NCOR2: variants seen among roughly 807,000 people sequenced by gnomAD.
The protein encoded by NCOR2 is nuclear receptor corepressor 2.
A neutral mutation model predicts 262.9 loss-of-function variants in NCOR2; 81 were observed. That is an observed-to-expected ratio of 0.31 (90% confidence interval 0.26 to 0.37). The LOEUF is 0.37. NCOR2 is among the 10% of genes least tolerant of loss of function. The pLI is 1.00. For missense variants in NCOR2, 3,385 were observed against 3,621.4 expected (o/e 0.93, Z 1.68); for synonymous variants, 1,659 against 1,559.3 (o/e 1.06, Z -1.51).
At chr12:124,356,575 G>A (rs1385281417) in intron 23 of NCOR2, 67 bp downstream of exon 25, 2 of 1,305,970 alleles carry the variant, frequency 1.5e-6, no homozygotes, top group Non-Finnish European at 2.0e-6. Flanking sequence ...CTCTGAGCCA[G>A]TGCAAACAGT....
chr12:124,425,012 C>A (rs748127877), intron 11 of NCOR2, among the ~76,000 whole-genome samples: 1 of 152,244 alleles, frequency 6.6e-6, no homozygotes, highest in Non-Finnish European at 1.5e-5. Context: ...GTCCAACCCA[C>A]AGGCCACATG....
At position 124,523,014 on chromosome 12, in the gene NCOR2, C is replaced by T. The variant is rs2050270919; in HGVS notation, c.-118+12551G>A. Among the ~76,000 whole-genome samples, 2 of 152,236 alleles carry T rather than the reference C, an allele frequency of 1.3e-5. No individual in the cohort carries two copies. Among genetic ancestry groups the T allele is most frequent in the South Asian group, 2.1e-4 (1 of 4,832 alleles). On this transcript the variant is annotated intron_variant, in intron 1 of 46. Transcript: ENST00000404621. The surrounding 1 kb of genome is among the most constrained non-coding windows in gnomAD (Gnocchi z 4.0). ...GGGGAGGCCAGACACAGGCCATCAC[C>T]TCTGCCCCTAAATAAAGACACTCCC...
intron 11 of NCOR2, among the ~76,000 whole-genome samples, chr12:124,426,337 G>A (rs975982929): frequency 6.6e-6 from 1 of 152,226 alleles, no homozygotes; most frequent in Non-Finnish European, 1.5e-5. Flanking sequence ...GTCGAAGGCA[G>A]AGCATGGAAG....
Position 124,340,021 on chromosome 12 carries a change from G to A in NCOR2, c.5672C>T (p.Thr1891Met), listed in dbSNP as rs372374587. The A allele has an allele frequency of 3.2e-5, 52 of 1,612,074 alleles. No individual in the cohort carries two copies. The highest frequency in any genetic ancestry group is 2.3e-4 in the African/African-American group (17 of 74,818). Residue 1891 changes from threonine to methionine, a missense_variant, in exon 37 of 47, where the codon ACG becomes ATG. Around this residue, in one of 5 missense-constraint regions of NCOR2, gnomAD observed 1,017 missense variants for 967.2 expected, o/e 1.05. Transcript: ENST00000405201. The stretch of plus-strand genomic sequence containing the variant: ...CCTGGCCCACCTCAGGACCGTGGGC[G>A]TGCTGGGCTCCACAGCGGTGATGAT...
At chr12:124,393,922 C>T (rs1475344521) in intron 16 of NCOR2, among the ~76,000 whole-genome samples, 6 of 152,262 alleles carry the variant, frequency 3.9e-5, no homozygotes, top group Non-Finnish European at 7.3e-5. Context: ...CTCTGGGTGT[C>T]GGCCCCTTCC....
At chr12:124,335,714 C>T in intron 38 of NCOR2, 82 bp from the exon 41 acceptor site, 1 of 1,485,782 alleles carries the variant, frequency 6.7e-7, no homozygotes, top group Non-Finnish European at 9.0e-7. Context: ...TCCCAGCTGG[C>T]TGGGACCCCG....
chr12:124,422,869 T>C lies in NCOR2; in HGVS notation c.1329-314A>G, dbSNP rs892834237. Among the ~76,000 whole-genome samples, 5 of 151,726 alleles carry C rather than the reference T, an allele frequency of 3.3e-5. No homozygotes were observed. In the South Asian group the frequency reaches 1.0e-3, roughly 32 times the overall value. ...ACGACATGCAGCTCTTTGGTGGGGT[T>C]CCCCCCCCTTTAAAATCCACTTTTG... is the stretch of plus-strand genomic sequence containing the variant. On this transcript the variant is annotated intron_variant, in intron 11 of 46. Transcript: ENST00000405201.
At chr12:124,370,965 T>C (rs1283590273) in intron 20 of NCOR2, among the ~76,000 whole-genome samples, 3 of 152,108 alleles carry the variant, frequency 2.0e-5, no homozygotes, top group Non-Finnish European at 4.4e-5. Flanking sequence ...CAAAAACATG[T>C]TGAACCTGTG....
At chr12:124,367,697 A>G (rs558512900) in intron 20 of NCOR2, among the ~76,000 whole-genome samples, 32 of 152,264 alleles carry the variant, frequency 2.1e-4, no homozygotes, top group African/African-American at 7.5e-4. Flanking sequence ...CAGTGGCACA[A>G]TCTTGGCTCA....
chr12:124,410,443 G>A (rs2042511153), intron 13 of NCOR2, among the ~76,000 whole-genome samples: 1 of 151,594 alleles, frequency 6.6e-6, no homozygotes, highest in Admixed American at 6.6e-5. Flanking sequence ...ACAAAGCTGG[G>A]CAGGAAACCA....
chr12:124,457,441 G>A lies in NCOR2; in HGVS notation c.706-279C>T, dbSNP rs764719155. Among the ~76,000 whole-genome samples the A allele has an allele frequency of 1.3e-5, 2 of 152,152 alleles. No individual in the cohort carries two copies. On this transcript the variant is annotated intron_variant, in intron 5 of 46. Coordinates refer to ENST00000405201, the Ensembl canonical transcript of NCOR2. The surrounding 1 kb of genome is among the most constrained non-coding windows in gnomAD (Gnocchi z 4.0). Reference sequence around the variant, plus strand: ...CTGAAGCCTGCTCCCCGGCAGGCGCGCAGGCCTCGCTCCCCCAGGGCCCAG... The same window carrying A: ...CTGAAGCCTGCTCCCCGGCAGGCGCACAGGCCTCGCTCCCCCAGGGCCCAG...
chr12:124,473,183 T>A, intron 3 of NCOR2, 52 bp from the exon 6 acceptor site: 1 of 1,598,734 alleles, frequency 6.3e-7, no homozygotes, highest in East Asian at 2.2e-5. Context: ...CACCCCCCAG[T>A]CTGTACAACC....
exon 28 of NCOR2, chr12:124,350,671 G>T (rs202111746): frequency 6.2e-7 from 1 of 1,613,624 alleles, no homozygotes; most frequent in Non-Finnish European, 8.5e-7. Context: ...CGGTCCAAGC[G>T]ACTCGGGCTG....
At chr12:124,509,238 G>GGGC (rs2049247262) in intron 1 of NCOR2, among the ~76,000 whole-genome samples, 1 of 116,422 alleles carries the variant, frequency 8.6e-6, no homozygotes, top group African/African-American at 2.6e-5. Context: ...GCTTTGGTGG[G>GGGC]GGGGGGGGGG....
intron 11 of NCOR2, 97 bp from the exon 14 acceptor site, chr12:124,422,652 G>A (rs879462032): frequency 2.4e-5 from 35 of 1,435,996 alleles, no homozygotes; most frequent in Middle Eastern, 1.8e-4. Context: ...CCCACTGGCC[G>A]GGCCTGGCGG....
chr12:124,331,035 C>A (rs1182565111), intron 43 of NCOR2, 137 bp from the exon 46 acceptor site: 9 of 792,404 alleles, frequency 1.1e-5, no homozygotes, highest in Non-Finnish European at 1.8e-5. Flanking sequence ...ATGCAGCAGG[C>A]CTGGGACAGG....
intron 4 of NCOR2, among the ~76,000 whole-genome samples, chr12:124,467,569 C>T (rs1238874846): frequency 1.4e-5 from 1 of 72,424 alleles, no homozygotes; most frequent in African/African-American, 5.6e-5. Flanking sequence ...CGTCCTCATC[C>T]TCATCACTGT....
chr12:124,481,179 T>C lies in NCOR2; in HGVS notation c.411+2417A>G, dbSNP rs2047456792. ...GGAGGAAGAAGGAGGGAGGAAGGTG[T>C]AGAAGGAGAGAAGGAAGGGGAGGAA... is the stretch of plus-strand genomic sequence containing the variant. On this transcript the variant is annotated intron_variant, in intron 3 of 46. Coordinates refer to ENST00000405201, the Ensembl canonical transcript of NCOR2. The surrounding 1 kb of genome is among the most constrained non-coding windows in gnomAD (Gnocchi z 4.6). 7.0e-6 allele frequency among the ~76,000 whole-genome samples: 1 copy of C among 141,900 alleles called. No homozygotes were observed. The highest frequency in any genetic ancestry group is 1.5e-5 in the Non-Finnish European group (1 of 64,858). 93.1% of individuals were successfully genotyped at this position (141,900 alleles called of 152,430 possible).
upstream of NCOR2, among the ~76,000 whole-genome samples, chr12:124,537,262 G>A (rs919442679): frequency 7.2e-5 from 11 of 152,352 alleles, no homozygotes; most frequent in Middle Eastern, 3.4e-3. Flanking sequence ...ATTCTTTATC[G>A]TGTTAACTTC....
Sources: allele counts gnomAD v4.1 joint callset (sites outside exome capture counted in the v4.1 genomes callset), GRCh38; gene constraint gnomAD v4.1.1; regional missense constraint gnomAD v4.1.1; non-coding constraint Gnocchi (gnomAD v3.1); transcripts MANE v1.5; gene names NCBI Gene and HGNC (gene_info 2026-07-23, HGNC 2026-07-21).